MUSK: variants seen among roughly 807,000 people sequenced by gnomAD.
MUSK encodes the protein muscle associated receptor tyrosine kinase, also known as muscle, skeletal receptor tyrosine-protein kinase.
A neutral mutation model predicts 88.7 loss-of-function variants in MUSK; 55 were observed. The ratio of observed to expected loss-of-function variants is 0.62; its 90% CI spans 0.50 to 0.78. The LOEUF is 0.78. Ranked by LOEUF, MUSK falls within the 30% of genes least tolerant of loss-of-function variation. The pLI is 0.00. For synonymous variants in MUSK, 387 were observed against 391.9 expected, an observed-to-expected ratio of 0.99 and a Z score of 0.15; for missense variants, 1,015 against 1,074.3, an observed-to-expected ratio of 0.94 and a Z score of 0.77.
At position 110,804,667 on chromosome 9, in the gene MUSK, C is replaced by A. The variant is rs2078138852; in HGVS notation, c.*3679C>A. The stretch of plus-strand genomic sequence containing the variant: ...TTACACAAGAGATCACATCTACTTA[C>A]TTTACCTTAAAATAACATTTACTTA... On this transcript the variant is annotated 3_prime_UTR_variant, in exon 15 of 15. Transcript: ENST00000374448. Among the ~76,000 whole-genome samples, 1 of 149,930 alleles carries A rather than the reference C, an allele frequency of 6.7e-6. No individual in the cohort carries two copies. Among genetic ancestry groups the A allele is most frequent in the Non-Finnish European group, 1.5e-5 (1 of 67,140 alleles).
At chr9:110,787,911 G>C in intron 14 of MUSK, 73 bp downstream of exon 14, 1 of 1,518,226 alleles carries the variant, frequency 6.6e-7, no homozygotes, top group Non-Finnish European at 9.0e-7. Context: ...CCCCTTGTTC[G>C]TGCTTTTTCC....
In MUSK at chr9:110,716,015, C is replaced by T. The variant is rs539700267; in HGVS notation, c.629-18236C>T. On this transcript the variant is annotated intron_variant, in intron 5 of 14. Coordinates refer to ENST00000374448, the MANE Select transcript of MUSK (RefSeq NM_005592.4). ...GGAGAGCTTCAGGAAGAGTAGCTAA[C>T]GGATGCTAGGCTTATTACCTAAGTG... Among the ~76,000 whole-genome samples the T allele has an allele frequency of 1.1e-4, 17 of 149,522 alleles. 1 individual carries two copies. The highest frequency in any genetic ancestry group is 2.0e-4 in the East Asian group (1 of 5,126).
rs150424909 is a variant in MUSK at position 110,750,857 on chromosome 9, A to G, written c.913+3057A>G. On this transcript the variant is annotated intron_variant, in intron 7 of 14. Transcript: ENST00000374448. Reference sequence around the variant, plus strand: ...CTGCTTTTGGCTTTTTCCTTAATTGATCAATACACCTCTATTCTAGGATTT... The same window carrying G: ...CTGCTTTTGGCTTTTTCCTTAATTGGTCAATACACCTCTATTCTAGGATTT... Among the ~76,000 whole-genome samples the G allele has an allele frequency of 3.3e-3, 500 of 152,332 alleles. 2 individuals carry two copies. Among genetic ancestry groups the G allele is most frequent in the Non-Finnish European group, 5.8e-3 (394 of 68,034 alleles).
At chr9:110,681,653 T>C (rs1411528384) in intron 1 of MUSK, among the ~76,000 whole-genome samples, 1 of 151,944 alleles carries the variant, frequency 6.6e-6, no homozygotes, top group African/African-American at 2.4e-5. Flanking sequence ...GCAAGGGAGA[T>C]ATGGGGCAAG....
intron 3 of MUSK, among the ~76,000 whole-genome samples, chr9:110,694,398 A>AC (rs2076402491): frequency 6.9e-6 from 1 of 145,584 alleles, no homozygotes; most frequent in East Asian, 2.0e-4. Flanking sequence ...AAAAAAAAAA[A>AC]AAAAAAAACA....
chr9:110,748,313 G>A (rs1221846324), intron 7 of MUSK, among the ~76,000 whole-genome samples: 1 of 151,792 alleles, frequency 6.6e-6, no homozygotes, highest in African/African-American at 2.4e-5. Context: ...GAGAAAGTTG[G>A]CAGACATTCA....
chr9:110,770,566 C>T (rs916257559), intron 9 of MUSK, among the ~76,000 whole-genome samples: 2 of 149,108 alleles, frequency 1.3e-5, no homozygotes, highest in African/African-American at 4.9e-5. Context: ...AACATTTTGC[C>T]AATGTCCACA....
chr9:110,681,024 A>ATATAT lies in MUSK; in HGVS notation c.80-1644_80-1640dup. The stretch of plus-strand genomic sequence containing the variant: ...TATTATATTATATATAATATATATT[A>ATATAT]TATATTATATATTATATAATATATA... On this transcript the variant is annotated intron_variant, in intron 1 of 14. Coordinates refer to ENST00000374448, the MANE Select transcript of MUSK (RefSeq NM_005592.4). 6.1e-4 allele frequency among the ~76,000 whole-genome samples: 12 copies of ATATAT among 19,594 alleles called. 1 individual carries two copies. The highest frequency in any genetic ancestry group is 4.5e-3 in the African/African-American group (12 of 2,692). The allele number at this position is 19,594 out of a possible 152,430, so 12.9% of individuals were successfully genotyped here. A position where few individuals can be genotyped will look rare whatever the true frequency, so the allele number is the denominator to read the frequency against.
At chr9:110,741,734 A>C (rs759750034) in intron 6 of MUSK, among the ~76,000 whole-genome samples, 2 of 152,160 alleles carry the variant, frequency 1.3e-5, no homozygotes, top group Non-Finnish European at 2.9e-5. Context: ...TCTATCCTAC[A>C]TCCCTTCAAA....
intron 9 of MUSK, among the ~76,000 whole-genome samples, chr9:110,770,619 A>G (rs1271845307): frequency 2.0e-5 from 3 of 151,204 alleles, no homozygotes; most frequent in African/African-American, 7.3e-5. Flanking sequence ...TGCTAAGTTT[A>G]TACAATTAAC....
At chr9:110,742,728 T>C (rs2077119305) in intron 6 of MUSK, among the ~76,000 whole-genome samples, 1 of 152,146 alleles carries the variant, frequency 6.6e-6, no homozygotes, top group Non-Finnish European at 1.5e-5. Flanking sequence ...AAAGGCAAAA[T>C]AGATTTATCA....
chr9:110,712,772 T>G (rs528497041), intron 5 of MUSK, among the ~76,000 whole-genome samples: 1 of 152,304 alleles, frequency 6.6e-6, no homozygotes, highest in South Asian at 2.1e-4. Flanking sequence ...ATTCATCCAT[T>G]TGTGGAATGC....
At chr9:110,762,157 T>C (rs200091836) in intron 7 of MUSK, 45 bp from the exon 8 acceptor site, 2 of 1,376,272 alleles carry the variant, frequency 1.5e-6, no homozygotes, top group Non-Finnish European at 1.9e-6. Context: ...CTTTCTTTTC[T>C]CCTTTAATTT....
rs200789677 is a variant in MUSK at position 110,697,477 on chromosome 9, G to C, written c.628+11G>C. On this transcript the variant is annotated intron_variant, in intron 5 of 14. Coordinates refer to ENST00000374448, the MANE Select transcript of MUSK (RefSeq NM_005592.4). ...AGCTGGAAGTTGAGGGTAAGGAGCTGCATTTCTTCCCCTGACTGTGTGACC... is the reference window on the plus strand; with the variant it reads ...AGCTGGAAGTTGAGGGTAAGGAGCTCCATTTCTTCCCCTGACTGTGTGACC... 1 of 1,606,476 alleles carries C rather than the reference G, an allele frequency of 6.2e-7. No homozygotes were observed. Among genetic ancestry groups the C allele is most frequent in the South Asian group, 1.1e-5 (1 of 89,448 alleles).
chr9:110,689,975 A>ATAT (rs2076295793), intron 3 of MUSK, among the ~76,000 whole-genome samples: 4 of 74,830 alleles, frequency 5.3e-5, no homozygotes, highest in Admixed American at 2.2e-4. Flanking sequence ...TATATATTAT[A>ATAT]TTATAAATAT....
At chr9:110,763,888 G>C (rs1244066655) in intron 8 of MUSK, among the ~76,000 whole-genome samples, 1 of 152,154 alleles carries the variant, frequency 6.6e-6, no homozygotes, top group African/African-American at 2.4e-5. Context: ...TGTGATTCAT[G>C]CGTTTCAAAG....
intron 7 of MUSK, among the ~76,000 whole-genome samples, chr9:110,756,326 AT>A (rs2077324036): frequency 6.6e-6 from 1 of 151,844 alleles, no homozygotes; most frequent in Non-Finnish European, 1.5e-5. Context: ...CCAGTCCTTG[AT>A]CTCAATCCCT....
intron 7 of MUSK, among the ~76,000 whole-genome samples, chr9:110,755,405 C>T (rs190115651): frequency 1.3e-5 from 2 of 152,140 alleles, no homozygotes; most frequent in African/African-American, 4.8e-5. Context: ...AGACCTGAGG[C>T]TATATGTGTA....
At chr9:110,703,577 G>GATAA (rs1314095211) in intron 5 of MUSK, among the ~76,000 whole-genome samples, 2 of 151,560 alleles carry the variant, frequency 1.3e-5, no homozygotes, top group Admixed American at 6.6e-5. Context: ...AGGCGGTTTT[G>GATAA]ATAAATAATT....
Sources: allele counts gnomAD v4.1 joint callset (sites outside exome capture counted in the v4.1 genomes callset), GRCh38; gene constraint gnomAD v4.1.1; transcripts MANE v1.5; gene names NCBI Gene and HGNC (gene_info 2026-07-23, HGNC 2026-07-21).